The following TNFSF18 variants were observed in gnomAD, a reference collection of about 807,000 sequenced individuals.
The protein encoded by TNFSF18 is TNF superfamily member 18.
A neutral mutation model predicts 9.6 loss-of-function variants in TNFSF18; 6 were observed. That is an observed-to-expected ratio of 0.63 (90% confidence interval 0.34 to 1.24). The LOEUF (loss-of-function observed/expected upper bound fraction) is 1.24. Ranked by LOEUF, TNFSF18 falls within the 50% of genes most tolerant of loss-of-function variation. The probability of loss-of-function intolerance (pLI) is 0.03; values close to 1 mark genes in which losing one functional copy is unlikely to be tolerated. For synonymous variants in TNFSF18, 68 were observed against 71.7 expected (o/e 0.95, Z 0.26); for missense variants, 210 against 201.0 (o/e 1.04, Z -0.27).
At chr1:173,049,338 C>T (rs191482310) in intron 1 of TNFSF18, among the ~76,000 whole-genome samples, 26 of 152,264 alleles carry the variant, frequency 1.7e-4, no homozygotes, top group Admixed American at 2.0e-4. Flanking sequence ...GAAAGAAGCA[C>T]TTCCAAATTT....
At position 173,041,675 on chromosome 1, in the gene TNFSF18, G is replaced by C; in HGVS notation, c.226C>G (p.Pro76Ala). 1 of 1,609,408 alleles carries C rather than the reference G, an allele frequency of 6.2e-7. No individual in the cohort carries two copies. Among genetic ancestry groups the C allele is most frequent in the Non-Finnish European group, 8.5e-7 (1 of 1,177,572 alleles). ...TCAGACACCTTATTCACGCAAGGAG[G>C]TTCAGAAGATGCCATTTGCCATTTT... ...PSKWQMASSEPPCVNKVSDWK... is the reference protein window; with the variant it reads ...PSKWQMASSEAPCVNKVSDWK... The change falls in exon 3 of 3, where the codon CCT becomes GCT. Residue 76 changes from proline (P) to alanine (A), a missense_variant. Pro to Ala is a conservative substitution (Grantham distance 27). Coordinates refer to ENST00000404377, the MANE Select transcript of TNFSF18 (RefSeq NM_005092.4).
chr1:173,045,378 G>C lies in TNFSF18; in HGVS notation c.157-1409C>G, dbSNP rs945727745. Among the ~76,000 whole-genome samples the C allele has an allele frequency of 2.0e-5, 3 of 152,304 alleles. No individual in the cohort carries two copies. In the East Asian group the frequency reaches 5.8e-4, roughly 29 times the overall value. ...GAAAAGAAAGTATTTCATGAAGGAC[G>C]AGTGATCAGCTGGTGTCAAATGCTG... On this transcript the variant is annotated intron_variant, in intron 1 of 2. Transcript: ENST00000404377.
At chr1:173,042,595 A>G (rs1665010624) in intron 2 of TNFSF18, among the ~76,000 whole-genome samples, 1 of 152,180 alleles carries the variant, frequency 6.6e-6, no homozygotes, top group Non-Finnish European at 1.5e-5. Context: ...CCCTAGTGCA[A>G]TACTGTCCCA....
intron 1 of TNFSF18, among the ~76,000 whole-genome samples, chr1:173,050,392 A>C (rs1665151925): frequency 6.6e-6 from 1 of 151,816 alleles, no homozygotes; most frequent in East Asian, 1.9e-4. Context: ...CTTGCATCCC[A>C]TTCCTTGATA....
At position 173,050,930 on chromosome 1, in the gene TNFSF18, T is replaced by C. The variant is rs1282906563; in HGVS notation, c.-34A>G. ...AAATGAGAGCTGTGGAAAACAAAAA[T>C]TCACAAGTGATGGGTGAAGGATGCA... On this transcript the variant is annotated 5_prime_UTR_variant, in exon 1 of 3. Coordinates refer to ENST00000404377, the MANE Select transcript of TNFSF18 (RefSeq NM_005092.4). 9.9e-6 allele frequency: 16 copies of C among 1,613,676 alleles called. No individual in the cohort carries two copies. The highest frequency in any genetic ancestry group is 1.7e-4 in the Middle Eastern group (1 of 6,006).
At position 173,050,802 on chromosome 1, in the gene TNFSF18, A is replaced by T. The variant is rs760040810; in HGVS notation, c.95T>A (p.Ile32Lys). The change falls in exon 1 of 3, where the codon ATA (isoleucine) becomes AAA (lysine). Residue 32 changes from isoleucine to lysine, a missense_variant. Ile to Lys is a moderately radical substitution (Grantham distance 102). Transcript: ENST00000404377. ...SSWKLWLFCSIVMLLFLCSFS... is the reference protein window; with the variant it reads ...SSWKLWLFCSKVMLLFLCSFS... ...GGAGCAAAGAAATAGCAACATAACTATTGAGCAAAAGAGCCACAGCTTCCA... is the reference window on the plus strand; with the variant it reads ...GGAGCAAAGAAATAGCAACATAACTTTTGAGCAAAAGAGCCACAGCTTCCA... 3.7e-6 allele frequency: 6 copies of T among 1,613,378 alleles called. No individual in the cohort carries two copies. The highest frequency in any genetic ancestry group is 5.1e-6 in the Non-Finnish European group (6 of 1,179,626).
At position 173,050,698 on chromosome 1, in the gene TNFSF18, G is replaced by A. The variant is rs939598717; in HGVS notation, c.156+43C>T. On this transcript the variant is annotated intron_variant, in intron 1 of 2. Transcript: ENST00000404377. ...ACAACTAGAAAAACAAATAAATAGA[G>A]GATTATAGCAAATAGTAACCTTAGG... 5.3e-6 allele frequency: 7 copies of A among 1,319,926 alleles called. No individual in the cohort carries two copies. The African/African-American group carries it at 1.0e-4, about 20-fold the overall frequency. 81.8% of individuals were successfully genotyped at this position (1,319,926 alleles called of 1,614,324 possible). A position where few individuals can be genotyped will look rare whatever the true frequency, so the allele number is the denominator to read the frequency against.
intron 1 of TNFSF18, among the ~76,000 whole-genome samples, chr1:173,044,199 T>C (rs1665036115): frequency 6.6e-6 from 1 of 151,812 alleles, no homozygotes; most frequent in Admixed American, 6.6e-5. Context: ...TAGACAAAGG[T>C]CAAGATCTCA....
chr1:173,043,035 T>C (rs974353355), intron 2 of TNFSF18, among the ~76,000 whole-genome samples: 2 of 152,148 alleles, frequency 1.3e-5, no homozygotes, highest in African/African-American at 4.8e-5. Context: ...TCATTGGTTC[T>C]CCCATTTAAT....
At chr1:173,043,556 C>T (rs970907474) in intron 2 of TNFSF18, among the ~76,000 whole-genome samples, 1 of 152,162 alleles carries the variant, frequency 6.6e-6, no homozygotes, top group Non-Finnish European at 1.5e-5. Context: ...CTCTCACATA[C>T]TCCATTGGAC....
In TNFSF18 at chr1:173,039,498, T is replaced by G. The variant is rs1664956753; in HGVS notation, c.*1869A>C. Among the ~76,000 whole-genome samples the G allele has an allele frequency of 6.6e-6, 1 of 152,118 alleles. No individual in the cohort carries two copies. Among genetic ancestry groups the G allele is most frequent in the Non-Finnish European group, 1.5e-5 (1 of 68,018 alleles). On this transcript the variant is annotated 3_prime_UTR_variant, in exon 3 of 3. Coordinates refer to ENST00000404377, the MANE Select transcript of TNFSF18 (RefSeq NM_005092.4). ...GGAGAGTTTCACAGTGGTGTGCTGGTGAACTAGCTGTCCAAAAGGAAAATG... is the reference window on the plus strand; with the variant it reads ...GGAGAGTTTCACAGTGGTGTGCTGGGGAACTAGCTGTCCAAAAGGAAAATG...
chr1:173,041,733 A>G lies in TNFSF18; in HGVS notation c.188-20T>C, dbSNP rs1275252144. On this transcript the variant is annotated intron_variant, in intron 2 of 2. Transcript: ENST00000404377. ...ATGGTCCTATAAGAAATATACAAGG[A>G]TAAAAAAGATGAAAGCATAGTTATT... 2 of 1,534,232 alleles carry G rather than the reference A, an allele frequency of 1.3e-6. No individual in the cohort carries two copies. Among genetic ancestry groups the G allele is most frequent in the South Asian group, 2.5e-5 (2 of 79,102 alleles).
chr1:173,040,174 G>T lies in TNFSF18; in HGVS notation c.*1193C>A, dbSNP rs1664967196. 6.6e-6 allele frequency: 1 copy of T among 151,778 alleles called. No individual in the cohort carries two copies. The highest frequency in any genetic ancestry group is 1.5e-5 in the Non-Finnish European group (1 of 67,984). 9.4% of individuals were successfully genotyped at this position (151,778 alleles called of 1,614,324 possible). A position where few individuals can be genotyped will look rare whatever the true frequency, so the allele number is the denominator to read the frequency against. Reference sequence around the variant, plus strand: ...CCCTGCAAAGTGAAGAGGGGAATTTGGTTGGGATAAGGCCTGAACAGCATC... The same window carrying T: ...CCCTGCAAAGTGAAGAGGGGAATTTTGTTGGGATAAGGCCTGAACAGCATC... On this transcript the variant is annotated 3_prime_UTR_variant, in exon 3 of 3. Transcript: ENST00000404377.
chr1:173,039,361 C>A lies in TNFSF18; in HGVS notation c.*2006G>T, dbSNP rs986286594. 5.3e-5 allele frequency among the ~76,000 whole-genome samples: 8 copies of A among 152,208 alleles called. No individual in the cohort carries two copies. In the South Asian group the frequency reaches 1.0e-3, roughly 20 times the overall value. ...TCCCTCTAGCTGCAGCTGTAGTAAC[C>A]TCTGCTTGCCCTGAGAAATCACCAG... On this transcript the variant is annotated 3_prime_UTR_variant, in exon 3 of 3. Coordinates refer to ENST00000404377, the MANE Select transcript of TNFSF18 (RefSeq NM_005092.4).
intron 1 of TNFSF18, among the ~76,000 whole-genome samples, chr1:173,049,441 A>G (rs542905782): frequency 6.6e-5 from 10 of 152,338 alleles, no homozygotes; most frequent in Admixed American, 3.3e-4. Context: ...TGACCCAGAA[A>G]GTTCACACTT....
At chr1:173,049,609 T>C (rs1311427718) in intron 1 of TNFSF18, among the ~76,000 whole-genome samples, 1 of 152,174 alleles carries the variant, frequency 6.6e-6, no homozygotes, top group Non-Finnish European at 1.5e-5. Context: ...AGGGGACTGC[T>C]TCCTCCTGCA....
rs369309966 is a variant in TNFSF18, at chr1:173,041,412, T to A, written c.489A>T (p.Thr163=). 1 of 1,613,078 alleles carries A rather than the reference T, an allele frequency of 6.2e-7. No individual in the cohort carries two copies. Among genetic ancestry groups the A allele is most frequent in the Non-Finnish European group, 8.5e-7 (1 of 1,179,414 alleles). Reference sequence around the variant, plus strand: ...TTGCTAGTAAAATGATACCCCAGTATGTATTATTTTTTAGAACCTGATGCT... The same window carrying A: ...TTGCTAGTAAAATGATACCCCAGTAAGTATTATTTTTTAGAACCTGATGCT... The part of the protein sequence containing the change: ...NSEHQVLKNN[T]YWGIILLANP... The change falls in exon 3 of 3, where the codon ACA becomes ACT. Residue 163 remains threonine, a synonymous_variant. Coordinates refer to ENST00000404377, the MANE Select transcript of TNFSF18 (RefSeq NM_005092.4).
At chr1:173,046,902 T>C (rs1665093149) in intron 1 of TNFSF18, among the ~76,000 whole-genome samples, 1 of 151,116 alleles carries the variant, frequency 6.6e-6, no homozygotes, top group Non-Finnish European at 1.5e-5. Flanking sequence ...GTTGTTGTTG[T>C]TGTTTTTTGA....
In TNFSF18 at chr1:173,050,914, C is replaced by G. The variant is rs770397324; in HGVS notation, c.-18G>C. 6.2e-7 allele frequency: 1 copy of G among 1,613,716 alleles called. No individual in the cohort carries two copies. Among genetic ancestry groups the G allele is most frequent in the South Asian group, 1.1e-5 (1 of 91,060 alleles). ...AAACACATTTTTGGAGAAATGAGAG[C>G]TGTGGAAAACAAAAATTCACAAGTG... On this transcript the variant is annotated 5_prime_UTR_variant, in exon 1 of 3. Transcript: ENST00000404377.
Sources: allele counts gnomAD v4.1 joint callset (sites outside exome capture counted in the v4.1 genomes callset), GRCh38; gene constraint gnomAD v4.1.1; transcripts MANE v1.5; gene names NCBI Gene and HGNC (gene_info 2026-07-23, HGNC 2026-07-21).